MIDN: variants seen among roughly 807,000 people sequenced by gnomAD.
MIDN encodes the protein midbrain nucleolar protein.
Under a neutral mutation model 46.1 loss-of-function variants are expected in MIDN, and 26 were observed. The observed-to-expected ratio is 0.56, with a 90% confidence interval of 0.41 to 0.78. The LOEUF (loss-of-function observed/expected upper bound fraction) is 0.78. Ranked by LOEUF, MIDN falls within the 30% of genes least tolerant of loss-of-function variation. The pLI is 0.00. For synonymous variants in MIDN, 432 were observed against 343.3 expected (o/e 1.26, Z -2.86); for missense variants, 850 against 771.8 (o/e 1.10, Z -1.20).
chr19:1,254,405 C>A lies in MIDN; in HGVS notation c.752C>A (p.Pro251Gln), dbSNP rs376802436. 2.6e-6 allele frequency: 4 copies of A among 1,564,440 alleles called. No individual in the cohort carries two copies. Among genetic ancestry groups the A allele is most frequent in the Non-Finnish European group, 3.4e-6 (4 of 1,162,078 alleles). ...AARVPPVPTSPSPASPSPITA... is the reference protein window; with the variant it reads ...AARVPPVPTSQSPASPSPITA... ...CGAGTCCCCCCGGTGCCCACCAGCC[C>A]GTCCCCTGCATCTCCCTCGCCCATC... The change falls in exon 6 of 9, where the codon CCG (proline) becomes CAG (glutamine). Residue 251 changes from proline to glutamine, a missense_variant. Pro to Gln is a moderately conservative substitution (Grantham distance 76). Transcript: ENST00000682408.
rs1225015386 is a variant in MIDN at position 1,257,336 on chromosome 19, C to T, written c.*64C>T. The T allele has an allele frequency of 3.4e-6, 5 of 1,449,986 alleles. No individual in the cohort carries two copies. The highest frequency in any genetic ancestry group is 4.8e-6 in the Non-Finnish European group (5 of 1,046,402). The allele number at this position is 1,449,986 out of a possible 1,614,324, so 89.8% of individuals were successfully genotyped here. ...CCCAGGGCGGCGGGGACTCCGAGAG[C>T]CCCGGAGAGAACGTGGCCCAGCCCT... On this transcript the variant is annotated 3_prime_UTR_variant, in exon 9 of 9. Transcript: ENST00000682408.
rs778401653 is a variant in MIDN, at chr19:1,250,395, C to A, written c.99C>A (p.Leu33=). The change falls in exon 2 of 9, where the codon CTC becomes CTA. Residue 33 remains leucine (L), a synonymous_variant. Transcript: ENST00000682408. The part of the protein sequence containing the change: ...GPAAEAAPMS[L]AIHSTTGTRY... ...CGGCCGAGGCGGCGCCCATGAGCCTCGCCATCCACAGCACCACGGGCACCC... is the reference window on the plus strand; with the variant it reads ...CGGCCGAGGCGGCGCCCATGAGCCTAGCCATCCACAGCACCACGGGCACCC... The A allele has an allele frequency of 2.3e-6, 3 of 1,286,558 alleles. No individual in the cohort carries two copies. The highest frequency in any genetic ancestry group is 3.0e-6 in the Non-Finnish European group (3 of 997,912). The allele number at this position is 1,286,558 out of a possible 1,614,324, so 79.7% of individuals were successfully genotyped here.
chr19:1,250,994 G>C (rs375376890), intron 2 of MIDN, among the ~76,000 whole-genome samples: 28 of 152,172 alleles, frequency 1.8e-4, no homozygotes, highest in African/African-American at 6.7e-4. Context: ...TGCAGGCCCG[G>C]AGCCCTCCCC....
chr19:1,251,444 G>T, intron 2 of MIDN, 118 bp from the exon 3 acceptor site: 1 of 856,898 alleles, frequency 1.2e-6, no homozygotes, highest in Non-Finnish European at 1.8e-6. Context: ...CCGGGAAGGG[G>T]TGGGGGTGGG....
intron 1 of MIDN, among the ~76,000 whole-genome samples, chr19:1,249,572 G>C (rs891338277): frequency 2.0e-5 from 3 of 150,016 alleles, no homozygotes; most frequent in Non-Finnish European, 4.5e-5. Context: ...TTTGTTGCGG[G>C]CTCCGGGCGC....
chr19:1,254,833 C>T (rs1171590006), intron 6 of MIDN, 69 bp from the exon 7 acceptor site: 1 of 1,517,074 alleles, frequency 6.6e-7, no homozygotes, highest in African/African-American at 1.4e-5. Flanking sequence ...TGGGTGATCT[C>T]TGGTCCCTGG....
At position 1,257,032 on chromosome 19, in the gene MIDN, C is replaced by A. The variant is rs1026974636; in HGVS notation, c.1296C>A (p.Arg432=). 6.2e-7 allele frequency: 1 copy of A among 1,612,072 alleles called. No homozygotes were observed. Among genetic ancestry groups the A allele is most frequent in the Non-Finnish European group, 8.5e-7 (1 of 1,179,942 alleles). ...GGCAGACAGAAAACCGCGCCACGCG[C>A]TGCAAGGTGGAACGGCTGCAGCTGC... The part of the protein sequence containing the change: ...RLRQTENRAT[R]CKVERLQLLL... The change falls in exon 9 of 9, where the codon CGC becomes CGA. Residue 432 remains arginine (R), a synonymous_variant. Transcript: ENST00000682408.
At position 1,254,917 on chromosome 19, in the gene MIDN, C is replaced by T. The variant is rs754226865; in HGVS notation, c.841C>T (p.Pro281Ser). 15 of 1,607,004 alleles carry T rather than the reference C, an allele frequency of 9.3e-6. 1 individual carries two copies. The South Asian group carries it at 1.2e-4, about 13-fold the overall frequency. ...CTCCCATCAGCAGATGGACTGCTCC[C>T]CCACGGCCAGCAGCAGTGCCAGTCC... ...TTCPEQMDCS[P>S]TASSSASPGA... The change falls in exon 7 of 9, where the codon CCC (proline) becomes TCC (serine). Residue 281 changes from proline (P) to serine (S), a missense_variant. Pro to Ser is a moderately conservative substitution (Grantham distance 74). Coordinates refer to ENST00000682408, the MANE Select transcript of MIDN (RefSeq NM_001388306.1).
intron 8 of MIDN, 147 bp downstream of exon 8, chr19:1,255,841 C>A: frequency 1.3e-6 from 1 of 763,656 alleles, no homozygotes; most frequent in Non-Finnish European, 2.0e-6. Flanking sequence ...TCTGCTCCAG[C>A]CCGGAGAGAA....
At chr19:1,249,494 T>G (rs2081094465) in intron 1 of MIDN, among the ~76,000 whole-genome samples, 1 of 148,696 alleles carries the variant, frequency 6.7e-6, no homozygotes, top group Non-Finnish European at 1.5e-5. Context: ...GCCGCTCCCT[T>G]GGGATCGCGA....
In MIDN at chr19:1,254,826, G is replaced by A. The variant is rs2081178020; in HGVS notation, c.826-76G>A. On this transcript the variant is annotated intron_variant, in intron 6 of 8. Transcript: ENST00000682408. ...GTCATCTCCTGACCTGGGCTGGTGGGTGATCTCTGGTCCCTGGGTTGCTGG... is the reference window on the plus strand; with the variant it reads ...GTCATCTCCTGACCTGGGCTGGTGGATGATCTCTGGTCCCTGGGTTGCTGG... The A allele has an allele frequency of 1.1e-5, 16 of 1,492,134 alleles. No homozygotes were observed. In the South Asian group the frequency reaches 2.0e-4, roughly 18 times the overall value. The allele number at this position is 1,492,134 out of a possible 1,614,324, so 92.4% of individuals were successfully genotyped here.
At chr19:1,251,378 C>T (rs1351646507) in intron 2 of MIDN, 184 bp from the exon 3 acceptor site, 10 of 572,896 alleles carry the variant, frequency 1.7e-5, no homozygotes, top group South Asian at 2.2e-5. Flanking sequence ...CAGGATGGGG[C>T]TCCCAGCACC....
chr19:1,257,341 G>C lies in MIDN; in HGVS notation c.*69G>C. On this transcript the variant is annotated 3_prime_UTR_variant, in exon 9 of 9. Transcript: ENST00000682408. ...GGCGGCGGGGACTCCGAGAGCCCCG[G>C]AGAGAACGTGGCCCAGCCCTGGAGG... is the stretch of plus-strand genomic sequence containing the variant. The C allele has an allele frequency of 7.2e-7, 1 of 1,388,202 alleles. No individual in the cohort carries two copies. Among genetic ancestry groups the C allele is most frequent in the South Asian group, 1.2e-5 (1 of 83,790 alleles). The allele number at this position is 1,388,202 out of a possible 1,614,324, so 86.0% of individuals were successfully genotyped here. A position where few individuals can be genotyped will look rare whatever the true frequency, so the allele number is the denominator to read the frequency against.
intron 4 of MIDN, among the ~76,000 whole-genome samples, chr19:1,253,041 G>C (rs78572158): frequency 2.1e-5 from 3 of 145,366 alleles, no homozygotes; most frequent in Middle Eastern, 3.5e-3. Context: ...GGTTGGGGGG[G>C]GCTGGAGGGG....
chr19:1,254,963 C>T lies in MIDN; in HGVS notation c.887C>T (p.Thr296Ile), dbSNP rs2081180080. ...SASPGASTTSTPGASPAPRSR... is the reference protein window; with the variant it reads ...SASPGASTTSIPGASPAPRSR... ...AGTCCTGGTGCCAGCACCACGTCTA[C>T]CCCAGGGGCCAGCCCTGCCCCCCGC... Residue 296 changes from threonine (T) to isoleucine (I), a missense_variant, in exon 7 of 9, where the codon ACC becomes ATC. Coordinates refer to ENST00000682408, the MANE Select transcript of MIDN (RefSeq NM_001388306.1). The T allele has an allele frequency of 2.5e-6, 4 of 1,612,716 alleles. No homozygotes were observed. The highest frequency in any genetic ancestry group is 2.5e-6 in the Non-Finnish European group (3 of 1,179,862).
intron 1 of MIDN, among the ~76,000 whole-genome samples, chr19:1,249,546 C>G (rs1036469133): frequency 5.4e-5 from 8 of 149,408 alleles, no homozygotes; most frequent in African/African-American, 1.5e-4. Context: ...CCGCGCCCCC[C>G]GGGGCGCGCC....
Position 1,257,299 on chromosome 19 carries a change from C to T in MIDN, c.*27C>T. ...ATCTTCGGATCGGCCACCCTCGCCC[C>T]TCGCACCCCAGCCCAGGGCGGCGGG... On this transcript the variant is annotated 3_prime_UTR_variant, in exon 9 of 9. Transcript: ENST00000682408. 6.2e-7 allele frequency: 1 copy of T among 1,601,522 alleles called. No individual in the cohort carries two copies.
intron 2 of MIDN, among the ~76,000 whole-genome samples, chr19:1,250,855 C>T (rs1444431881): frequency 2.0e-5 from 3 of 152,074 alleles, no homozygotes; most frequent in African/African-American, 7.2e-5. Flanking sequence ...TCCGCGCCGG[C>T]TTCCGCATCT....
intron 2 of MIDN, 93 bp downstream of exon 2, chr19:1,250,622 G>A: frequency 1.6e-6 from 1 of 621,956 alleles, no homozygotes; most frequent in Non-Finnish European, 2.1e-6. Flanking sequence ...GCAGGGGGCG[G>A]CCAGACAGGG....
Sources: allele counts gnomAD v4.1 joint callset (sites outside exome capture counted in the v4.1 genomes callset), GRCh38; gene constraint gnomAD v4.1.1; transcripts MANE v1.5; gene names NCBI Gene and HGNC (gene_info 2026-07-23, HGNC 2026-07-21).